The following PANK4 variants were observed in gnomAD, a reference collection of about 807,000 sequenced individuals.
PANK4 encodes the protein 4'-phosphopantetheine phosphatase.
PANK4 carries 40 observed loss-of-function variants against 87.9 expected under a neutral mutation model. The observed-to-expected ratio is 0.46, with a 90% CI of 0.35 to 0.59. PANK4 has a LOEUF of 0.59. PANK4 is among the 20% of genes least tolerant of loss of function. The probability of loss-of-function intolerance (pLI) is 0.00; values close to 1 mark genes in which losing one functional copy is unlikely to be tolerated. For missense variants in PANK4, 926 were observed against 1,072.3 expected (o/e 0.86, Z 1.90); for synonymous variants, 524 against 467.4 (o/e 1.12, Z -1.56).
At chr1:2,526,338 C>T (rs1368198033) in intron 1 of PANK4, 126 bp downstream of exon 1, 2 of 430,442 alleles carry the variant, frequency 4.6e-6, no homozygotes, top group Admixed American at 6.4e-5. Flanking sequence ...GACTACAAGG[C>T]CCGTGAGGCT....
At chr1:2,525,951 A>G (rs997843111) in intron 1 of PANK4, 2 of 152,138 alleles carry the variant, frequency 1.3e-5, no homozygotes, top group Admixed American at 6.5e-5. Context: ...CGCGGGCCAC[A>G]GCTGGCCACG....
In PANK4 at chr1:2,515,440, C is replaced by G; in HGVS notation, c.1374+122G>C. On this transcript the variant is annotated intron_variant, in intron 10 of 18. Transcript: ENST00000378466. This position sits in a 1 kb window ranked among gnomAD's most constrained non-coding sequence, Gnocchi z 5.0. ...ATCGCCCCCTCACTCAGACGCAGAT[C>G]AAGGGGTTTCTGGACAACACTGGCC... The G allele has an allele frequency of 1.8e-6, 2 of 1,109,008 alleles. No individual in the cohort carries two copies. The highest frequency in any genetic ancestry group is 2.7e-6 in the Non-Finnish European group (2 of 737,310). The allele number at this position is 1,109,008 out of a possible 1,614,324, so 68.7% of individuals were successfully genotyped here.
Position 2,514,102 on chromosome 1 carries a change from A to C in PANK4, c.1488-13T>G. 6.2e-7 allele frequency: 1 copy of C among 1,604,494 alleles called. No homozygotes were observed. Among genetic ancestry groups the C allele is most frequent in the South Asian group, 1.1e-5 (1 of 90,934 alleles). ...GGTCCCATAGGCGCTGGGGACAGAC[A>C]CGGCAGAGGGCGCTGAGCAGGGCAG... On this transcript the variant is annotated splice_polypyrimidine_tract_variant and intron_variant, in intron 11 of 18. Transcript: ENST00000378466.
At chr1:2,524,791 C>A (rs1358012527) in intron 1 of PANK4, among the ~76,000 whole-genome samples, 2 of 152,222 alleles carry the variant, frequency 1.3e-5, no homozygotes, top group Admixed American at 1.3e-4. Flanking sequence ...GTAACAGAAT[C>A]CCCCAGTGTA....
At position 2,509,983 on chromosome 1, in the gene PANK4, T is replaced by G; in HGVS notation, c.2040-53A>C. The G allele has an allele frequency of 1.3e-6, 2 of 1,585,108 alleles. No individual in the cohort carries two copies. The highest frequency in any genetic ancestry group is 1.7e-6 in the Non-Finnish European group (2 of 1,161,222). On this transcript the variant is annotated intron_variant, in intron 17 of 18. Coordinates refer to ENST00000378466, the MANE Select transcript of PANK4 (RefSeq NM_018216.4). The surrounding 1 kb of genome is among the most constrained non-coding windows in gnomAD (Gnocchi z 4.9). Reference sequence around the variant, plus strand: ...CCAGGAGCTCCCAGTTCAGTGACAATCCCCATGGCCCACTCTGCCCAGCTG... The same window carrying G: ...CCAGGAGCTCCCAGTTCAGTGACAAGCCCCATGGCCCACTCTGCCCAGCTG...
rs1281116769 is a variant in PANK4 at position 2,513,999 on chromosome 1, T to C, written c.1575+3A>G. The C allele has an allele frequency of 3.1e-6, 5 of 1,606,740 alleles. No homozygotes were observed. Among genetic ancestry groups the C allele is most frequent in the Admixed American group, 3.3e-5 (2 of 60,016 alleles). On this transcript the variant is annotated splice_donor_region_variant and intron_variant, in intron 12 of 18. Coordinates refer to ENST00000378466, the MANE Select transcript of PANK4 (RefSeq NM_018216.4). ...GCGGAAGGCCAGGGCACACTGCACTTACTTTGGAGTAGGGATCCGGGAAGT... is the reference window on the plus strand; with the variant it reads ...GCGGAAGGCCAGGGCACACTGCACTCACTTTGGAGTAGGGATCCGGGAAGT...
At chr1:2,522,042 A>G in intron 1 of PANK4, 7 of 553,826 alleles carry the variant, frequency 1.3e-5, no homozygotes, top group Non-Finnish European at 2.3e-5. Context: ...ACTGAGCTCA[A>G]GAGGTCCCGC....
chr1:2,510,613 GCGC>G lies in PANK4; in HGVS notation c.1938+62_1938+64del. 1.0e-6 allele frequency: 1 copy of G among 976,644 alleles called. No individual in the cohort carries two copies. Among genetic ancestry groups the G allele is most frequent in the Non-Finnish European group, 1.6e-6 (1 of 616,086 alleles). 60.5% of individuals were successfully genotyped at this position (976,644 alleles called of 1,614,324 possible). On this transcript the variant is annotated intron_variant, in intron 16 of 18. Coordinates refer to ENST00000378466, the MANE Select transcript of PANK4 (RefSeq NM_018216.4). This position sits in a 1 kb window ranked among gnomAD's most constrained non-coding sequence, Gnocchi z 4.9. ...CGACCACCGCCAGAGGCCCACAGCGGCGCCAACCCCACCGAGAGCAGAGAAGCC... is the reference window on the plus strand; with the variant it reads ...CGACCACCGCCAGAGGCCCACAGCGGCAACCCCACCGAGAGCAGAGAAGCC...
intron 8 of PANK4, 110 bp downstream of exon 8, chr1:2,518,406 G>A (rs984461377): frequency 9.7e-7 from 1 of 1,027,226 alleles, no homozygotes; most frequent in Non-Finnish European, 1.5e-6. Context: ...ACTTTCTGAG[G>A]ACTCACGCTC....
chr1:2,512,247 T>A lies in PANK4; in HGVS notation c.1728-564A>T, dbSNP rs537299563. On this transcript the variant is annotated intron_variant, in intron 13 of 18. Coordinates refer to ENST00000378466, the MANE Select transcript of PANK4 (RefSeq NM_018216.4). ...TGTGTCCCAGAGGGGCAGCCATGGT[T>A]GGAGGCGGCGTTCTCATCTATGTCT... 2.6e-5 allele frequency among the ~76,000 whole-genome samples: 4 copies of A among 152,186 alleles called. No individual in the cohort carries two copies. The South Asian group carries it at 6.2e-4, about 24-fold the overall frequency.
In PANK4 at chr1:2,519,207, A is replaced by G. The variant is rs1177956552; in HGVS notation, c.971T>C (p.Phe324Ser). The G allele has an allele frequency of 6.2e-7, 1 of 1,612,790 alleles. No homozygotes were observed. The highest frequency in any genetic ancestry group is 8.5e-7 in the Non-Finnish European group (1 of 1,179,936). Residue 324 changes from phenylalanine to serine, a missense_variant, in exon 7 of 19, where the codon TTC becomes TCC. By Grantham distance (155) the Phe-to-Ser change is radical. Coordinates refer to ENST00000378466, the MANE Select transcript of PANK4 (RefSeq NM_018216.4). The surrounding 1 kb of genome is among the most constrained non-coding windows in gnomAD (Gnocchi z 8.3). ...HSLDRVYFGG[F>S]FIRGHPVTMR... ...GGTCACGGGGTGGCCCCGGATAAAG[A>G]AGCCTCCAAAGTACACGCGGTCCAG...
At chr1:2,517,504 C>T (rs1055488772) in intron 9 of PANK4, among the ~76,000 whole-genome samples, 4 of 152,240 alleles carry the variant, frequency 2.6e-5, no homozygotes, top group South Asian at 2.1e-4. Flanking sequence ...GGGGCACGGT[C>T]GAGGACCCTG....
Position 2,520,925 on chromosome 1 carries a change from C to A in PANK4, c.423-19G>T. 1 of 1,541,312 alleles carries A rather than the reference C, an allele frequency of 6.5e-7. No homozygotes were observed. Among genetic ancestry groups the A allele is most frequent in the Non-Finnish European group, 8.7e-7 (1 of 1,145,318 alleles). On this transcript the variant is annotated intron_variant, in intron 3 of 18. Coordinates refer to ENST00000378466, the MANE Select transcript of PANK4 (RefSeq NM_018216.4). The surrounding 1 kb of genome is among the most constrained non-coding windows in gnomAD (Gnocchi z 6.2). ...GTCGACTCTGAAAAGGAAGCGCCAACCCCTTAAAGAGTCTGGGCCACAGAC... is the reference window on the plus strand; with the variant it reads ...GTCGACTCTGAAAAGGAAGCGCCAAACCCTTAAAGAGTCTGGGCCACAGAC...
intron 11 of PANK4, 120 bp from the exon 12 acceptor site, chr1:2,514,209 G>A (rs867769349): frequency 6.6e-5 from 73 of 1,106,756 alleles, no homozygotes; most frequent in Non-Finnish European, 9.3e-5. Context: ...TGCTTGAGGC[G>A]GGGTCCAAGG....
chr1:2,517,888 A>C (rs1007353168), intron 9 of PANK4, among the ~76,000 whole-genome samples: 1 of 152,190 alleles, frequency 6.6e-6, no homozygotes, highest in African/African-American at 2.4e-5. Flanking sequence ...AACTTTAGCA[A>C]TCTCTCTGCA....
rs1018191865 is a variant in PANK4 at position 2,510,559 on chromosome 1, G to A, written c.1938+119C>T. ...GGCCGCCTCCCCCGTGCTGCTGCCT[G>A]CACCTACCTGCTGCGTCCGGAGGAG... On this transcript the variant is annotated intron_variant, in intron 16 of 18. Coordinates refer to ENST00000378466, the MANE Select transcript of PANK4 (RefSeq NM_018216.4). The surrounding 1 kb of genome is among the most constrained non-coding windows in gnomAD (Gnocchi z 4.9). 136 of 692,032 alleles carry A rather than the reference G, an allele frequency of 2.0e-4. 2 individuals are homozygous for A. Among genetic ancestry groups the A allele is most frequent in the South Asian group, 3.3e-4 (20 of 60,566 alleles). 42.9% of individuals were successfully genotyped at this position (692,032 alleles called of 1,614,324 possible).
At chr1:2,517,750 A>G (rs1331094009) in intron 9 of PANK4, among the ~76,000 whole-genome samples, 1 of 152,236 alleles carries the variant, frequency 6.6e-6, no homozygotes, top group Non-Finnish European at 1.5e-5. Flanking sequence ...ACCATCAGCC[A>G]CAGTGCGCGG....
At chr1:2,513,500 G>T (rs1412965563) in intron 12 of PANK4, among the ~76,000 whole-genome samples, 1 of 152,244 alleles carries the variant, frequency 6.6e-6, no homozygotes, top group Non-Finnish European at 1.5e-5. Flanking sequence ...CCAGACTTGG[G>T]GAAGCAAAAC....
At position 2,512,874 on chromosome 1, in the gene PANK4, C is replaced by G; in HGVS notation, c.1727+14G>C. The G allele has an allele frequency of 1.2e-6, 2 of 1,612,328 alleles. No individual in the cohort carries two copies. The highest frequency in any genetic ancestry group is 1.7e-6 in the Non-Finnish European group (2 of 1,179,538). ...ACAGGCTGCAGAGCCTGCTCCGAGC[C>G]CGCAGACACCTACGCAGACACGGCT... On this transcript the variant is annotated intron_variant, in intron 13 of 18. Coordinates refer to ENST00000378466, the MANE Select transcript of PANK4 (RefSeq NM_018216.4).
Sources: allele counts gnomAD v4.1 joint callset (sites outside exome capture counted in the v4.1 genomes callset), GRCh38; gene constraint gnomAD v4.1.1; non-coding constraint Gnocchi (gnomAD v3.1); transcripts MANE v1.5; gene names NCBI Gene and HGNC (gene_info 2026-07-23, HGNC 2026-07-21).